The following CD72 variants were observed in gnomAD, a reference collection of about 807,000 sequenced individuals.
CD72 encodes the protein B-cell differentiation antigen CD72.
Under a neutral mutation model 50.7 loss-of-function variants are expected in CD72, and 28 were observed. The ratio of observed to expected loss-of-function variants is 0.55; its 90% CI spans 0.41 to 0.76. The LOEUF is 0.76. CD72 is among the 30% of genes least tolerant of loss of function. CD72 has a pLI of 0.00. For missense variants in CD72, 403 were observed against 420.6 expected, an observed-to-expected ratio of 0.96 and a Z score of 0.37; for synonymous variants, 176 against 171.2, an observed-to-expected ratio of 1.03 and a Z score of -0.22.
At chr9:35,642,191 C>T (rs928020387) in intron 1 of CD72, among the ~76,000 whole-genome samples, 2 of 152,182 alleles carry the variant, frequency 1.3e-5, no homozygotes, top group South Asian at 2.1e-4. Context: ...TCCCCTCTAG[C>T]GGCACTGGTT....
At chr9:35,619,068 C>T (rs181751356), upstream of CD72, among the ~76,000 whole-genome samples, 8 of 152,338 alleles carry the variant, frequency 5.3e-5, no homozygotes, top group African/African-American at 9.6e-5. Flanking sequence ...GCGCAGATTC[C>T]GGACCAGCGG....
intron 1 of CD72, among the ~76,000 whole-genome samples, chr9:35,624,923 G>C (rs1823182571): frequency 6.6e-6 from 1 of 152,158 alleles, no homozygotes; most frequent in African/African-American, 2.4e-5. Context: ...TAAAAGTTGT[G>C]TGTGTTCTGA....
chr9:35,618,520 C>A, upstream of CD72: 8 of 1,185,666 alleles, frequency 6.7e-6, no homozygotes, highest in Non-Finnish European at 9.6e-6. Flanking sequence ...GGGCCAGGGC[C>A]AGAGGGGCCA....
At chr9:35,613,059 T>C in intron 5 of CD72, 66 bp from the exon 6 acceptor site, 1 of 1,370,898 alleles carries the variant, frequency 7.3e-7, no homozygotes, top group Non-Finnish European at 1.0e-6. Context: ...AGCAATCTTT[T>C]GCTAACAATA....
chr9:35,626,963 G>A (rs978966965), intron 1 of CD72, among the ~76,000 whole-genome samples: 5 of 149,866 alleles, frequency 3.3e-5, no homozygotes, highest in Middle Eastern at 3.4e-3. Flanking sequence ...AGCTACTCCC[G>A]AGTAGCTGGG....
chr9:35,616,769 G>C, intron 3 of CD72, 80 bp from the exon 4 acceptor site: 1 of 1,249,422 alleles, frequency 8.0e-7, no homozygotes, highest in South Asian at 1.2e-5. Flanking sequence ...CCGTGGGGGA[G>C]ACCCCTGGGG....
chr9:35,620,180 C>T (rs554757340), upstream of CD72, among the ~76,000 whole-genome samples: 8 of 152,170 alleles, frequency 5.3e-5, no homozygotes, highest in East Asian at 1.5e-3. Flanking sequence ...TGTAGAATGT[C>T]CCAGTTTTCA....
chr9:35,622,008 A>G (rs139485537), upstream of CD72, among the ~76,000 whole-genome samples: 102 of 152,366 alleles, frequency 6.7e-4, no homozygotes, highest in African/African-American at 2.3e-3. Flanking sequence ...TTAGAGCAGC[A>G]AGAGTTTCGT....
chr9:35,645,199 CA>C (rs539705878), intron 1 of CD72, among the ~76,000 whole-genome samples: 16,474 of 95,006 alleles, frequency 0.17, 1,128 homozygotes, highest in East Asian at 0.43. Flanking sequence ...AACTCCGTCT[CA>C]AAAAAAAAAA....
chr9:35,618,856 A>G (rs570471602), upstream of CD72: 1,470 of 953,054 alleles, frequency 1.5e-3, 2 homozygotes, highest in Admixed American at 2.2e-3. Flanking sequence ...CTGGGGGTTC[A>G]GGAACAGGCC....
At chr9:35,611,078 C>T (rs373020163) in intron 7 of CD72, among the ~76,000 whole-genome samples, 9 of 152,260 alleles carry the variant, frequency 5.9e-5, no homozygotes, top group African/African-American at 1.9e-4. Context: ...GGTGAAACCC[C>T]GTCTCTACTA....
intron 1 of CD72, among the ~76,000 whole-genome samples, chr9:35,633,085 C>T (rs1279911741): frequency 6.6e-6 from 1 of 151,408 alleles, no homozygotes; most frequent in East Asian, 1.9e-4. Flanking sequence ...CGTACACCAC[C>T]ATGCCTGGCT....
At chr9:35,626,640 G>A (rs928325145) in intron 1 of CD72, among the ~76,000 whole-genome samples, 1 of 152,116 alleles carries the variant, frequency 6.6e-6, no homozygotes, top group Admixed American at 6.6e-5. Context: ...AATTGCCAGA[G>A]CCACTCCAGC....
chr9:35,622,666 A>T (rs183282824), upstream of CD72, among the ~76,000 whole-genome samples: 2 of 152,250 alleles, frequency 1.3e-5, no homozygotes, highest in Admixed American at 6.5e-5. Context: ...GCACACCTGT[A>T]GTCCCAGCTA....
At chr9:35,631,512 GT>G (rs1353920320) in intron 1 of CD72, among the ~76,000 whole-genome samples, 4 of 152,140 alleles carry the variant, frequency 2.6e-5, no homozygotes, top group Admixed American at 2.6e-4. Flanking sequence ...TTTACTTAGA[GT>G]TTTTTTGGGA....
At chr9:35,623,850 C>T (rs564507877), upstream of CD72, among the ~76,000 whole-genome samples, 3 of 151,632 alleles carry the variant, frequency 2.0e-5, no homozygotes, top group East Asian at 5.8e-4. Flanking sequence ...GGAGGCGGAG[C>T]TTGCAGTGAG....
At chr9:35,628,858 T>C (rs1482862367) in intron 1 of CD72, among the ~76,000 whole-genome samples, 1 of 152,142 alleles carries the variant, frequency 6.6e-6, no homozygotes, top group African/African-American at 2.4e-5. Context: ...TCGCCATGCA[T>C]GTAAGTGGTA....
intron 1 of CD72, among the ~76,000 whole-genome samples, chr9:35,637,879 C>T (rs1823305156): frequency 6.6e-6 from 1 of 152,130 alleles, no homozygotes; most frequent in African/African-American, 2.4e-5. Flanking sequence ...CTCTACCTTT[C>T]TCTTTAAACT....
intron 1 of CD72, among the ~76,000 whole-genome samples, chr9:35,645,752 A>G (rs1009392730): frequency 6.6e-6 from 1 of 152,196 alleles, no homozygotes; most frequent in African/African-American, 2.4e-5. Flanking sequence ...CCCTCCTTGT[A>G]AGAAAACCAA....
Sources: gnomAD v4.1 joint callset for allele counts (sites outside exome capture counted in the v4.1 genomes callset) on GRCh38, gnomAD v4.1.1 for gene constraint, MANE v1.5 for transcripts, NCBI Gene and HGNC (gene_info 2026-07-23, HGNC 2026-07-21) for gene names.